The following PLEKHA6 variants were observed in gnomAD, a reference collection of about 807,000 sequenced individuals.
PLEKHA6 encodes pleckstrin homology domain containing A6, also known as pleckstrin homology domain-containing family A member 6.
PLEKHA6 carries 60 observed loss-of-function variants against 116.7 expected under a neutral mutation model. That is an observed-to-expected ratio of 0.51 (90% CI 0.42 to 0.64). PLEKHA6 has a LOEUF of 0.64. PLEKHA6 is among the 30% of genes least tolerant of loss of function. The probability of loss-of-function intolerance (pLI) is 0.00; values close to 1 mark genes in which losing one functional copy is unlikely to be tolerated. For synonymous variants in PLEKHA6, 489 were observed against 556.1 expected (o/e 0.88, Z 1.70); for missense variants, 1,338 against 1,422.7 (o/e 0.94, Z 0.96).
intron 18 of PLEKHA6, among the ~76,000 whole-genome samples, chr1:204,229,697 G>A (rs1436687548): frequency 6.6e-6 from 1 of 152,218 alleles, no homozygotes; most frequent in African/African-American, 2.4e-5. Context: ...TTACATGCAT[G>A]AGGAGCCAAC....
In PLEKHA6 at chr1:204,255,563, G is replaced by T; in HGVS notation, c.1524+1790C>A. The stretch of plus-strand genomic sequence containing the variant: ...AATGGCTGGAAGATGAGGAGGTGGG[G>T]AGGAGTGGAGAGATGCGACAGGAAG... On this transcript the variant is annotated intron_variant, in intron 9 of 22. Transcript: ENST00000272203. 4.3e-6 allele frequency: 3 copies of T among 696,308 alleles called. No individual in the cohort carries two copies. The South Asian group carries it at 4.5e-5, about 11-fold the overall frequency. The allele number at this position is 696,308 out of a possible 1,614,324, so 43.1% of individuals were successfully genotyped here. A position where few individuals can be genotyped will look rare whatever the true frequency, so the allele number is the denominator to read the frequency against.
At chr1:204,232,579 A>G (rs143075807) in intron 17 of PLEKHA6, among the ~76,000 whole-genome samples, 38 of 152,368 alleles carry the variant, frequency 2.5e-4, no homozygotes, top group Admixed American at 6.5e-4. Context: ...AAACACTGCT[A>G]GCTTGTACAG....
intron 5 of PLEKHA6, among the ~76,000 whole-genome samples, chr1:204,265,475 C>T (rs1415292755): frequency 6.6e-6 from 1 of 152,186 alleles, no homozygotes; most frequent in Non-Finnish European, 1.5e-5. Flanking sequence ...AGCTGAGACA[C>T]AAAGAGGTTA....
intron 1 of PLEKHA6, among the ~76,000 whole-genome samples, chr1:204,331,749 G>A (rs1425702296): frequency 6.6e-6 from 1 of 152,168 alleles, no homozygotes; most frequent in Non-Finnish European, 1.5e-5. Context: ...AGTGAGGGAA[G>A]AAAGATGGAG....
intron 1 of PLEKHA6, among the ~76,000 whole-genome samples, chr1:204,342,438 A>G (rs1316435308): frequency 1.3e-5 from 2 of 152,266 alleles, no homozygotes; most frequent in African/African-American, 4.8e-5. Flanking sequence ...TAGGACTAAT[A>G]TCAAGGCCTT....
chr1:204,339,101 C>G (rs971603642), intron 1 of PLEKHA6, among the ~76,000 whole-genome samples: 1 of 152,208 alleles, frequency 6.6e-6, no homozygotes, highest in African/African-American at 2.4e-5. Context: ...GTCTTAGAAC[C>G]AACCGCCTCA....
Position 204,259,184 on chromosome 1 carries a change from TG to T in PLEKHA6, c.1007+73del. The T allele has an allele frequency of 3.3e-6, 5 of 1,510,124 alleles. No individual in the cohort carries two copies. The highest frequency in any genetic ancestry group is 4.5e-6 in the Non-Finnish European group (5 of 1,118,204). 93.5% of individuals were successfully genotyped at this position (1,510,124 alleles called of 1,614,324 possible). On this transcript the variant is annotated intron_variant, in intron 8 of 22. Coordinates refer to ENST00000272203, the MANE Select transcript of PLEKHA6 (RefSeq NM_014935.5). The surrounding 1 kb of genome is among the most constrained non-coding windows in gnomAD (Gnocchi z 4.6). ...AAGGTTTCCAACAGGGGATGCCTCG[TG>T]GGCTATGACCCCACTCGCACGCTCT... is the stretch of plus-strand genomic sequence containing the variant.
At chr1:204,271,999 T>C (rs550854094) in intron 3 of PLEKHA6, among the ~76,000 whole-genome samples, 55 of 152,318 alleles carry the variant, frequency 3.6e-4, no homozygotes, top group African/African-American at 1.1e-3. Context: ...GCTGCACCCA[T>C]TGACTTATCA....
At chr1:204,268,446 G>T (rs1406356535) in intron 3 of PLEKHA6, 134 bp from the exon 4 acceptor site, 35 of 450,836 alleles carry the variant, frequency 7.8e-5, no homozygotes, top group Admixed American at 2.0e-4. Context: ...AGGGGCCCAG[G>T]TGTGAATCTT....
intron 1 of PLEKHA6, among the ~76,000 whole-genome samples, chr1:204,312,608 C>T (rs554586853): frequency 2.0e-5 from 3 of 152,242 alleles, no homozygotes; most frequent in South Asian, 2.1e-4. Context: ...TTCTCGGCAG[C>T]GCTGCTTTGG....
Position 204,238,856 on chromosome 1 carries a change from T to C in PLEKHA6, c.2409+2519A>G, listed in dbSNP as rs191473067. On this transcript the variant is annotated intron_variant, in intron 17 of 22. Transcript: ENST00000272203. The surrounding 1 kb of genome is among the most constrained non-coding windows in gnomAD (Gnocchi z 4.2). Reference sequence around the variant, plus strand: ...TGAAGAATAGCAGTGAAGGGAAATCTTCCCAGTGGGCAGAACTTCAAGCAG... The same window carrying C: ...TGAAGAATAGCAGTGAAGGGAAATCCTCCCAGTGGGCAGAACTTCAAGCAG... Among the ~76,000 whole-genome samples, 8 of 152,352 alleles carry C rather than the reference T, an allele frequency of 5.3e-5. No individual in the cohort carries two copies. The East Asian group carries it at 1.5e-3, about 29-fold the overall frequency.
intron 3 of PLEKHA6, among the ~76,000 whole-genome samples, chr1:204,366,669 G>A (rs968671866): frequency 1.3e-5 from 2 of 152,158 alleles, no homozygotes; most frequent in East Asian, 1.9e-4. Flanking sequence ...GCAGAGGCAC[G>A]AGAATCTCTT....
At chr1:204,343,513 C>A (rs1249098679) in intron 1 of PLEKHA6, among the ~76,000 whole-genome samples, 5 of 152,184 alleles carry the variant, frequency 3.3e-5, no homozygotes, top group Admixed American at 3.3e-4. Context: ...TATGACAGAC[C>A]CTGTATCTTC....
intron 2 of PLEKHA6, among the ~76,000 whole-genome samples, chr1:204,370,627 T>C (rs1375474516): frequency 6.6e-6 from 1 of 152,238 alleles, no homozygotes; most frequent in Non-Finnish European, 1.5e-5. Flanking sequence ...CCACTAGCCC[T>C]GAGGGCTACC....
chr1:204,285,563 C>T (rs936228527), intron 1 of PLEKHA6, among the ~76,000 whole-genome samples: 2 of 152,032 alleles, frequency 1.3e-5, no homozygotes, highest in African/African-American at 2.4e-5. Flanking sequence ...GCAGGCTCCG[C>T]TCCCTGAGCT....
At chr1:204,317,796 T>C (rs1671915427) in intron 1 of PLEKHA6, among the ~76,000 whole-genome samples, 1 of 152,190 alleles carries the variant, frequency 6.6e-6, no homozygotes, top group Admixed American at 6.5e-5. Context: ...AAATATTATT[T>C]TGGGATACTT....
Position 204,261,564 on chromosome 1 carries a change from T to G in PLEKHA6, c.382-116A>C. 1 of 1,167,118 alleles carries G rather than the reference T, an allele frequency of 8.6e-7. No homozygotes were observed. The highest frequency in any genetic ancestry group is 1.5e-5 in the South Asian group (1 of 64,764). The allele number at this position is 1,167,118 out of a possible 1,614,324, so 72.3% of individuals were successfully genotyped here. ...ATGGGCAGTCAGTTGGGCCATTCCC[T>G]GCACCTGGGGCTCTTCCCCATGCGG... On this transcript the variant is annotated intron_variant, in intron 6 of 22. Coordinates refer to ENST00000272203, the MANE Select transcript of PLEKHA6 (RefSeq NM_014935.5). The surrounding 1 kb of genome is among the most constrained non-coding windows in gnomAD (Gnocchi z 4.0).
intron 2 of PLEKHA6, chr1:204,369,800 C>T (rs2103411270): frequency 6.6e-6 from 1 of 152,328 alleles, no homozygotes; most frequent in East Asian, 1.9e-4. Context: ...GGTGGAAGGA[C>T]TCAACCTGTA....
intron 1 of PLEKHA6, among the ~76,000 whole-genome samples, chr1:204,343,927 T>A (rs1672936976): frequency 6.6e-6 from 1 of 152,200 alleles, no homozygotes; most frequent in African/African-American, 2.4e-5. Flanking sequence ...ATGAGCTACA[T>A]TAAGCCCAGA....
Sources: gnomAD v4.1 joint callset for allele counts (sites outside exome capture counted in the v4.1 genomes callset) on GRCh38, gnomAD v4.1.1 for gene constraint, Gnocchi (gnomAD v3.1) non-coding constraint, MANE v1.5 for transcripts, NCBI Gene and HGNC (gene_info 2026-07-23, HGNC 2026-07-21) for gene names.